GLIS3: variants seen among roughly 807,000 people sequenced by gnomAD.
The protein encoded by GLIS3 is GLIS family zinc finger 3.
GLIS3 carries 53 observed loss-of-function variants against 78.6 expected under a neutral mutation model. The observed-to-expected ratio is 0.67, with a 90% confidence interval of 0.54 to 0.85. The LOEUF is 0.85. GLIS3 is among the 40% of genes least tolerant of loss of function. GLIS3 has a pLI of 0.00. For missense variants in GLIS3, 1,703 were observed against 1,231.1 expected, an observed-to-expected ratio of 1.38 and a Z score of -5.74; for synonymous variants, 684 against 509.9, an observed-to-expected ratio of 1.34 and a Z score of -4.60.
intron 2 of GLIS3, chr9:4,285,547 A>T (rs10974437): frequency 1.3e-5 from 2 of 152,236 alleles, no homozygotes; most frequent in Non-Finnish European, 2.9e-5. Context: ...TTGATTCCTC[A>T]TTTTATTGGT....
chr9:4,239,526 C>A (rs959163272), intron 2 of GLIS3, among the ~76,000 whole-genome samples: 1 of 152,164 alleles, frequency 6.6e-6, no homozygotes, highest in Non-Finnish European at 1.5e-5. Context: ...TTTGTGACAA[C>A]CATCCCAACA....
At chr9:4,156,887 A>G (rs1392769835) in intron 2 of GLIS3, among the ~76,000 whole-genome samples, 1 of 152,172 alleles carries the variant, frequency 6.6e-6, no homozygotes, top group African/African-American at 2.4e-5. Context: ...ACCTGGACCA[A>G]CAGCATCAGC....
At chr9:4,339,868 A>AGGGGAGGGGGG (rs1563938722) in intron 2 of GLIS3, among the ~76,000 whole-genome samples, 1 of 23,298 alleles carries the variant, frequency 4.3e-5, no homozygotes, top group Non-Finnish European at 8.1e-5. Flanking sequence ...GGGGTGGGGG[A>AGGGGAGGGGGG]GGGGAGGGGG....
intron 2 of GLIS3, among the ~76,000 whole-genome samples, chr9:4,340,988 T>C (rs1320674652): frequency 1.3e-5 from 2 of 152,180 alleles, no homozygotes; most frequent in Non-Finnish European, 2.9e-5. Flanking sequence ...CACCTGATAT[T>C]TTAGCAACTC....
intron 2 of GLIS3, among the ~76,000 whole-genome samples, chr9:4,228,876 A>T (rs1011683374): frequency 1.3e-5 from 2 of 152,174 alleles, no homozygotes; most frequent in Admixed American, 1.3e-4. Context: ...TTCAAAATCT[A>T]CCCACCAGAA....
chr9:4,125,283 A>T (rs765654806), intron 3 of GLIS3, among the ~76,000 whole-genome samples: 4 of 152,212 alleles, frequency 2.6e-5, no homozygotes, highest in African/African-American at 7.2e-5. Flanking sequence ...ATTTAAGTAG[A>T]TGGGTAGCTG....
At chr9:4,171,215 A>C (rs1370777500) in intron 2 of GLIS3, among the ~76,000 whole-genome samples, 1 of 152,220 alleles carries the variant, frequency 6.6e-6, no homozygotes, top group Non-Finnish European at 1.5e-5. Flanking sequence ...ATATACATAT[A>C]AGTACACTCT....
intron 6 of GLIS3, among the ~76,000 whole-genome samples, chr9:3,910,643 T>C (rs1056204988): frequency 2.0e-5 from 3 of 152,218 alleles, no homozygotes; most frequent in Non-Finnish European, 4.4e-5. Flanking sequence ...AGGCCAAGTT[T>C]TTTATACAGG....
chr9:4,332,457 G>T (rs980528717), intron 2 of GLIS3, among the ~76,000 whole-genome samples: 8 of 152,170 alleles, frequency 5.3e-5, no homozygotes, highest in African/African-American at 1.9e-4. Flanking sequence ...CTAAGTTCCA[G>T]TACACAGAAT....
chr9:3,957,404 G>T (rs532081079), intron 4 of GLIS3, among the ~76,000 whole-genome samples: 4 of 152,320 alleles, frequency 2.6e-5, no homozygotes, highest in Non-Finnish European at 5.9e-5. Flanking sequence ...TGGCAGTGAG[G>T]AGAAGGCACT....
At chr9:4,417,906 C>A in the GLIS3 span, among the ~76,000 whole-genome samples, 3 of 152,086 alleles carry the variant, frequency 2.0e-5, no homozygotes, top group Admixed American at 6.6e-5. Context: ...ATTGGTATAT[C>A]TGTCAATATA....
intron 4 of GLIS3, among the ~76,000 whole-genome samples, chr9:4,042,657 A>T (rs1824918094): frequency 6.6e-6 from 1 of 152,180 alleles, no homozygotes; most frequent in East Asian, 1.9e-4. Flanking sequence ...GTTAATTAAC[A>T]TCATGCTGCA....
chr9:3,836,817 C>T (rs1818380505), intron 9 of GLIS3, among the ~76,000 whole-genome samples: 1 of 152,124 alleles, frequency 6.6e-6, no homozygotes, highest in Non-Finnish European at 1.5e-5. Flanking sequence ...AACATCTCAC[C>T]ACCGCTCACC....
At chr9:4,488,001 A>G in the GLIS3 span, among the ~76,000 whole-genome samples, 4 of 152,190 alleles carry the variant, frequency 2.6e-5, no homozygotes, top group Non-Finnish European at 5.9e-5. Flanking sequence ...TCTATGGTAG[A>G]CACTTTGGAA....
At chr9:3,965,197 T>TTTTTC (rs1817849508) in intron 4 of GLIS3, among the ~76,000 whole-genome samples, 2 of 133,848 alleles carry the variant, frequency 1.5e-5, no homozygotes. Context: ...TCTTTTCTTT[T>TTTTTC]TTTTTTTTTT....
At chr9:4,283,306 C>T (rs1425357344) in intron 2 of GLIS3, among the ~76,000 whole-genome samples, 4 of 150,670 alleles carry the variant, frequency 2.7e-5, no homozygotes, top group African/African-American at 9.8e-5. Context: ...TGCTTTCTTG[C>T]CCCGGCTGGA....
At chr9:4,189,484 C>G (rs201259475) in intron 2 of GLIS3, among the ~76,000 whole-genome samples, 2 of 152,206 alleles carry the variant, frequency 1.3e-5, no homozygotes, top group African/African-American at 2.4e-5. Context: ...ATTTGTGGTG[C>G]AGAGTTCTGT....
At chr9:4,139,616 T>G (rs1435907182) in intron 2 of GLIS3, among the ~76,000 whole-genome samples, 3 of 152,158 alleles carry the variant, frequency 2.0e-5, no homozygotes, top group Non-Finnish European at 4.4e-5. Flanking sequence ...CCCAACCTTT[T>G]TGGCCCCAGG....
chr9:4,428,484 A>T, the GLIS3 span, among the ~76,000 whole-genome samples: 1 of 82,222 alleles, frequency 1.2e-5, no homozygotes, highest in Admixed American at 1.5e-4. Context: ...ACTCTGTCTC[A>T]AAAAAAAAAA....
Sources: allele counts gnomAD v4.1 joint callset (sites outside exome capture counted in the v4.1 genomes callset), GRCh38; gene constraint gnomAD v4.1.1; transcripts MANE v1.5; gene names NCBI Gene and HGNC (gene_info 2026-07-23, HGNC 2026-07-21).